The following PPP2R2D variants were observed in gnomAD, a reference collection of about 807,000 sequenced individuals.
The protein encoded by PPP2R2D is serine/threonine-protein phosphatase 2A 55 kDa regulatory subunit B delta isoform.
A neutral mutation model predicts 31.1 loss-of-function variants in PPP2R2D; 9 were observed. The ratio of observed to expected loss-of-function variants is 0.29; its 90% confidence interval spans 0.17 to 0.51. PPP2R2D has a LOEUF of 0.51. PPP2R2D is among the 20% of genes least tolerant of loss of function. The pLI is 0.98. For missense variants in PPP2R2D, 391 were observed against 465.6 expected, an observed-to-expected ratio of 0.84 and a Z score of 1.48; for synonymous variants, 179 against 172.6, an observed-to-expected ratio of 1.04 and a Z score of -0.29.
chr10:131,961,607 C>T (rs2036920769), downstream of PPP2R2D, among the ~76,000 whole-genome samples: 1 of 152,202 alleles, frequency 6.6e-6, no homozygotes, highest in South Asian at 2.1e-4. Flanking sequence ...TGCGGGGCTG[C>T]CTACAGGACA....
intron 2 of PPP2R2D, among the ~76,000 whole-genome samples, chr10:131,901,800 C>T (rs1288423533): frequency 6.6e-6 from 1 of 152,006 alleles, no homozygotes; most frequent in Admixed American, 6.5e-5. Flanking sequence ...CCACCAGGCT[C>T]TGCGTTTCAT....
At chr10:131,948,430 A>G (rs938687125) in intron 8 of PPP2R2D, among the ~76,000 whole-genome samples, 12 of 152,248 alleles carry the variant, frequency 7.9e-5, no homozygotes, top group Admixed American at 3.9e-4. Context: ...TCAGAATTCA[A>G]GAGAACAGAG....
chr10:131,902,304 C>T (rs2035512955), intron 2 of PPP2R2D, among the ~76,000 whole-genome samples: 1 of 152,206 alleles, frequency 6.6e-6, no homozygotes, highest in Non-Finnish European at 1.5e-5. Context: ...CCTTCCCTGC[C>T]TCAAGTTACT....
chr10:131,928,690 G>A (rs113889438), intron 2 of PPP2R2D, among the ~76,000 whole-genome samples: 5 of 152,194 alleles, frequency 3.3e-5, no homozygotes, highest in African/African-American at 1.2e-4. Context: ...GGAGGCTGGC[G>A]GCAGTGAAGA....
intron 2 of PPP2R2D, among the ~76,000 whole-genome samples, chr10:131,932,838 T>C (rs952644411): frequency 6.6e-6 from 1 of 152,084 alleles, no homozygotes; most frequent in African/African-American, 2.4e-5. Context: ...AGCACTGCAG[T>C]GTTTCTAATT....
intron 2 of PPP2R2D, among the ~76,000 whole-genome samples, chr10:131,913,585 G>T (rs1225500529): frequency 3.3e-5 from 5 of 152,172 alleles, no homozygotes; most frequent in Non-Finnish European, 5.9e-5. Flanking sequence ...GGCGATTGGT[G>T]AATTGAACTG....
chr10:131,936,837 G>T (rs1589948910), intron 3 of PPP2R2D, among the ~76,000 whole-genome samples: 1 of 152,174 alleles, frequency 6.6e-6, no homozygotes, highest in African/African-American at 2.4e-5. Flanking sequence ...CTTTTTCTTC[G>T]TATTTCGGTT....
intron 2 of PPP2R2D, chr10:131,911,697 G>A (rs1387994531): frequency 6.6e-6 from 1 of 151,804 alleles, no homozygotes; most frequent in Non-Finnish European, 1.5e-5. Context: ...GGATTATGAT[G>A]AAAATAGTCT....
At chr10:131,936,973 C>T (rs1012970563) in intron 3 of PPP2R2D, among the ~76,000 whole-genome samples, 10 of 152,214 alleles carry the variant, frequency 6.6e-5, no homozygotes, top group Non-Finnish European at 1.3e-4. Context: ...CATCCATGGC[C>T]GGAGGCCGCG....
intron 3 of PPP2R2D, among the ~76,000 whole-genome samples, chr10:131,938,963 A>C (rs2036392792): frequency 6.6e-6 from 1 of 152,252 alleles, no homozygotes; most frequent in African/African-American, 2.4e-5. Context: ...TCTATAGCTC[A>C]TGCGGCCTTT....
intron 2 of PPP2R2D, among the ~76,000 whole-genome samples, chr10:131,907,816 C>T (rs2035621925): frequency 6.6e-6 from 1 of 152,080 alleles, no homozygotes; most frequent in East Asian, 1.9e-4. Context: ...GGAGGCTGGC[C>T]TGGTCATCGT....
Position 131,947,194 on chromosome 10 carries a change from C to T in PPP2R2D, c.821-336C>T, listed in dbSNP as rs1431509989. Among the ~76,000 whole-genome samples the T allele has an allele frequency of 6.6e-6, 1 of 152,198 alleles. No individual in the cohort carries two copies. The highest frequency in any genetic ancestry group is 1.5e-5 in the Non-Finnish European group (1 of 68,034). On this transcript the variant is annotated intron_variant, in intron 7 of 8. Transcript: ENST00000455566. The surrounding 1 kb of genome is among the most constrained non-coding windows in gnomAD (Gnocchi z 4.3). ...GGAATGCGGTGGTGCTGAACCTGGG[C>T]ACACATCAGGATGCCCCGAGGAGCT...
chr10:131,957,396 C>CTT lies in PPP2R2D; in HGVS notation c.*1433_*1434insTT. 1 of 211,502 alleles carries CTT rather than the reference C, an allele frequency of 4.7e-6. No individual in the cohort carries two copies. Among genetic ancestry groups the CTT allele is most frequent in the Non-Finnish European group, 9.6e-6 (1 of 103,712 alleles). The allele number at this position is 211,502 out of a possible 1,614,324, so 13.1% of individuals were successfully genotyped here. ...GGAGGTGTGTGCTGCTCCCTCGTGCCCCTGTGGAGATGGAGGTGTGTGCTG... is the reference window on the plus strand; with the variant it reads ...GGAGGTGTGTGCTGCTCCCTCGTGCCTTCCTGTGGAGATGGAGGTGTGTGCTG... On this transcript the variant is annotated 3_prime_UTR_variant, in exon 9 of 9. Transcript: ENST00000455566.
intron 2 of PPP2R2D, among the ~76,000 whole-genome samples, chr10:131,904,275 G>C (rs2035548096): frequency 6.6e-6 from 1 of 151,302 alleles, no homozygotes; most frequent in East Asian, 2.0e-4. Flanking sequence ...ACTTTGGGAG[G>C]CCGAGGCAGG....
chr10:131,949,195 G>T (rs1191326405), intron 8 of PPP2R2D, among the ~76,000 whole-genome samples: 1 of 152,202 alleles, frequency 6.6e-6, no homozygotes, highest in East Asian at 1.9e-4. Context: ...GGCAGCATGA[G>T]CCTCTCGTTG....
intron 2 of PPP2R2D, among the ~76,000 whole-genome samples, chr10:131,922,614 G>A (rs1185880548): frequency 2.0e-5 from 3 of 151,820 alleles, no homozygotes; most frequent in Non-Finnish European, 2.9e-5. Flanking sequence ...CACCACACTT[G>A]GATAATTTTT....
At chr10:131,961,185 T>TGGGCCTGG (rs560601937), downstream of PPP2R2D, among the ~76,000 whole-genome samples, 73 of 152,296 alleles carry the variant, frequency 4.8e-4, 4 homozygotes, top group South Asian at 0.014. Context: ...GGGAGAGGCC[T>TGGGCCTGG]GGGCCTGGGG....
intron 2 of PPP2R2D, among the ~76,000 whole-genome samples, chr10:131,906,409 C>T (rs2035584520): frequency 6.6e-6 from 1 of 152,104 alleles, no homozygotes; most frequent in Non-Finnish European, 1.5e-5. Flanking sequence ...TAACCTGTTT[C>T]TAAAGAGATA....
chr10:131,953,917 A>G (rs2036743184), intron 8 of PPP2R2D, among the ~76,000 whole-genome samples: 1 of 152,166 alleles, frequency 6.6e-6, no homozygotes, highest in Non-Finnish European at 1.5e-5. Context: ...TCCCAGTAAC[A>G]TTTGCTTAGT....
Sources: gnomAD v4.1 joint callset for allele counts (sites outside exome capture counted in the v4.1 genomes callset) on GRCh38, gnomAD v4.1.1 for gene constraint, Gnocchi (gnomAD v3.1) non-coding constraint, MANE v1.5 for transcripts, NCBI Gene and HGNC (gene_info 2026-07-23, HGNC 2026-07-21) for gene names.